The following DGKD variants were observed in gnomAD, a reference collection of about 807,000 sequenced individuals.
DGKD encodes DAG kinase delta.
In DGKD, 68 loss-of-function variants were observed where a neutral mutation model predicts 154.4. The ratio of observed to expected loss-of-function variants is 0.44; its 90% CI spans 0.36 to 0.54. The LOEUF (loss-of-function observed/expected upper bound fraction) is 0.54, where lower values mean the gene tolerates loss of function less well. DGKD is among the 20% of genes least tolerant of loss of function. The pLI, the probability that DGKD is intolerant of heterozygous loss-of-function variation, is 0.00. For synonymous variants in DGKD, 693 were observed against 638.0 expected, an observed-to-expected ratio of 1.09 and a Z score of -1.30; for missense variants, 1,343 against 1,593.6, an observed-to-expected ratio of 0.84 and a Z score of 2.68.
At position 233,450,914 on chromosome 2, in the gene DGKD, T is replaced by A. The variant is rs1482399141; in HGVS notation, c.2039-8T>A. 1 of 1,597,086 alleles carries A rather than the reference T, an allele frequency of 6.3e-7. No homozygotes were observed. The highest frequency in any genetic ancestry group is 8.6e-7 in the Non-Finnish European group (1 of 1,165,704). ...ACAGCTGTAAGGTTTTCTGCTGTGTTGTTACAGTGTCGAAATCTCCGTGTG... is the reference window on the plus strand; with the variant it reads ...ACAGCTGTAAGGTTTTCTGCTGTGTAGTTACAGTGTCGAAATCTCCGTGTG... On this transcript the variant is annotated splice_polypyrimidine_tract_variant and splice_region_variant and intron_variant, in intron 16 of 29. Coordinates refer to ENST00000264057, the MANE Select transcript of DGKD (RefSeq NM_152879.3).
At position 233,440,047 on chromosome 2, in the gene DGKD, T is replaced by TTCTC. The variant is rs752819578; in HGVS notation, c.1085+1668_1085+1669insTCTC. Among the ~76,000 whole-genome samples, 19 of 152,150 alleles carry TTCTC rather than the reference T, an allele frequency of 1.2e-4. No homozygotes were observed. The highest frequency in any genetic ancestry group is 2.2e-4 in the Non-Finnish European group (15 of 68,018). On this transcript the variant is annotated intron_variant, in intron 9 of 29. Coordinates refer to ENST00000264057, the MANE Select transcript of DGKD (RefSeq NM_152879.3). This position sits in a 1 kb window ranked among gnomAD's most constrained non-coding sequence, Gnocchi z 4.9. Reference sequence around the variant, plus strand: ...CAGGTTACACAGCTGAACTCGAGAATAACGAAATATTCATTTTGGTGTGCA... The same window carrying TTCTC: ...CAGGTTACACAGCTGAACTCGAGAATTCTCAACGAAATATTCATTTTGGTGTGCA...
In DGKD at chr2:233,438,012, A is replaced by T. The variant is rs948212608; in HGVS notation, c.923-205A>T. 7.9e-5 allele frequency among the ~76,000 whole-genome samples: 12 copies of T among 152,170 alleles called. No homozygotes were observed. Among genetic ancestry groups the T allele is most frequent in the Admixed American group, 5.2e-4 (8 of 15,280 alleles). On this transcript the variant is annotated intron_variant, in intron 8 of 29. Transcript: ENST00000264057. This position sits in a 1 kb window ranked among gnomAD's most constrained non-coding sequence, Gnocchi z 4.1. ...AAGGTGGCATTTGGACAGCTTGTGA[A>T]TGTGGAGGTCAGATGGATGGGGCTC...
At chr2:233,381,308 C>T (rs570218459) in intron 1 of DGKD, among the ~76,000 whole-genome samples, 27 of 152,312 alleles carry the variant, frequency 1.8e-4, no homozygotes, top group African/African-American at 5.1e-4. Context: ...CAGGTAGTTC[C>T]TGAATGAGGA....
Position 233,454,772 on chromosome 2 carries a change from C to A in DGKD, c.2274C>A (p.Tyr758Ter). Residue 758 changes from tyrosine to a stop codon, truncating the protein, a stop_gained, in exon 19 of 30, where the codon TAC becomes TAA. Transcript: ENST00000264057. LOFTEE classifies it high-confidence loss of function. ...FNSEPETLEY[Y>*]TEKCVMNNYF... ...AAACTCACCTTTGCAGAGAGTATTA[C>A]ACGGAGAAATGTGTCATGAACAACT... The A allele has an allele frequency of 6.2e-7, 1 of 1,607,730 alleles. No homozygotes were observed. The highest frequency in any genetic ancestry group is 8.5e-7 in the Non-Finnish European group (1 of 1,174,252).
intron 4 of DGKD, 85 bp downstream of exon 4, chr2:233,434,569 G>T (rs747429446): frequency 6.9e-7 from 1 of 1,443,402 alleles, no homozygotes; most frequent in African/African-American, 1.4e-5. Flanking sequence ...TCCCACGTGC[G>T]GACCCACAGT....
intron 3 of DGKD, among the ~76,000 whole-genome samples, chr2:233,404,805 C>G (rs979196252): frequency 1.3e-5 from 2 of 152,132 alleles, no homozygotes; most frequent in Non-Finnish European, 2.9e-5. Context: ...ATTGGGTGAA[C>G]GTCTGCTGTT....
In DGKD at chr2:233,441,598, G is replaced by T. The variant is rs1231451044; in HGVS notation, c.1086-289G>T. 6.6e-6 allele frequency among the ~76,000 whole-genome samples: 1 copy of T among 152,226 alleles called. No homozygotes were observed. The highest frequency in any genetic ancestry group is 1.5e-5 in the Non-Finnish European group (1 of 68,026). ...GCAGTTTTGGCCCACCACTTTGCCT[G>T]TGATGTCTGCAGAGCGTGCAGTGGC... On this transcript the variant is annotated intron_variant, in intron 9 of 29. Transcript: ENST00000264057. This position sits in a 1 kb window ranked among gnomAD's most constrained non-coding sequence, Gnocchi z 5.6.
At chr2:233,431,905 A>G (rs1160529367) in intron 3 of DGKD, among the ~76,000 whole-genome samples, 1 of 152,252 alleles carries the variant, frequency 6.6e-6, no homozygotes, top group Non-Finnish European at 1.5e-5. Flanking sequence ...TGGACTGGGC[A>G]AAGGTTTCTT....
At chr2:233,393,182 G>A (rs779134531) in intron 3 of DGKD, among the ~76,000 whole-genome samples, 57 of 152,028 alleles carry the variant, frequency 3.7e-4, no homozygotes, top group Middle Eastern at 3.4e-3. Context: ...CTGCCACCAC[G>A]CCCAGCTAAT....
intron 1 of DGKD, among the ~76,000 whole-genome samples, chr2:233,362,992 A>G (rs1307114619): frequency 6.6e-6 from 1 of 152,246 alleles, no homozygotes; most frequent in African/African-American, 2.4e-5. Flanking sequence ...ATACAAGTAT[A>G]TACAGTACAT....
Position 233,464,233 on chromosome 2 carries a change from C to G in DGKD, c.3256C>G (p.Leu1086Val). 1 of 1,613,698 alleles carries G rather than the reference C, an allele frequency of 6.2e-7. No homozygotes were observed. Among genetic ancestry groups the G allele is most frequent in the African/African-American group, 1.3e-5 (1 of 75,062 alleles). Reference protein sequence around the residue: ...LAEMDRQLRRLADTPWLCQSA... With the variant: ...LAEMDRQLRRVADTPWLCQSA... ...CGAGATGGACCGACAGCTCAGGAGG[C>G]TGGCAGACACCCCGTGGCTCTGCCA... The change falls in exon 27 of 30, where the codon CTG becomes GTG. Residue 1086 changes from leucine to valine, a missense_variant. Transcript: ENST00000264057.
chr2:233,385,928 A>G (rs777093231), intron 1 of DGKD: 1 of 470,928 alleles, frequency 2.1e-6, no homozygotes, highest in South Asian at 1.5e-5. Flanking sequence ...TAAATAAAGC[A>G]GCAGCTCTCC....
At chr2:233,465,098 G>A (rs1228232708) in intron 27 of DGKD, among the ~76,000 whole-genome samples, 2 of 152,202 alleles carry the variant, frequency 1.3e-5, no homozygotes, top group Non-Finnish European at 2.9e-5. Flanking sequence ...CCTTTCATGG[G>A]AAACTGACTC....
intron 3 of DGKD, among the ~76,000 whole-genome samples, chr2:233,403,677 T>A (rs1479922225): frequency 6.6e-6 from 1 of 151,954 alleles, no homozygotes; most frequent in Non-Finnish European, 1.5e-5. Flanking sequence ...TCTCGCTCTG[T>A]TGCCCAGGCC....
chr2:233,398,359 A>G (rs1016919263), intron 3 of DGKD, among the ~76,000 whole-genome samples: 1 of 151,470 alleles, frequency 6.6e-6, no homozygotes, highest in Non-Finnish European at 1.5e-5. Flanking sequence ...GTTAGCCAGG[A>G]TGGTCTCGAT....
intron 12 of DGKD, chr2:233,447,826 G>T: frequency 7.8e-7 from 1 of 1,287,146 alleles, no homozygotes; most frequent in Non-Finnish European, 9.9e-7. Context: ...AGGCCGTGCT[G>T]GGATCGCAGA....
intron 3 of DGKD, chr2:233,429,024 CT>C (rs902001460): frequency 8.6e-6 from 6 of 700,042 alleles, no homozygotes; most frequent in South Asian, 6.4e-5. Flanking sequence ...AACTCACTGT[CT>C]TTAAACCTAA....
chr2:233,417,974 C>T (rs2062000004), intron 3 of DGKD, among the ~76,000 whole-genome samples: 2 of 152,276 alleles, frequency 1.3e-5, no homozygotes, highest in Non-Finnish European at 2.9e-5. Flanking sequence ...GTCAATAGTG[C>T]TGAGGTTGAG....
At chr2:233,436,498 A>T in intron 7 of DGKD, 57 bp downstream of exon 7, 2 of 1,576,444 alleles carry the variant, frequency 1.3e-6, no homozygotes, top group Non-Finnish European at 1.7e-6. Flanking sequence ...TACCGTGCCC[A>T]TGCGGGCCTT....
Sources: allele counts gnomAD v4.1 joint callset (sites outside exome capture counted in the v4.1 genomes callset), GRCh38; gene constraint gnomAD v4.1.1; non-coding constraint Gnocchi (gnomAD v3.1); transcripts MANE v1.5; gene names NCBI Gene and HGNC (gene_info 2026-07-23, HGNC 2026-07-21).